Variants in CCDC7 observed in about 807,000 individuals in gnomAD.
The protein encoded by CCDC7 is coiled-coil domain containing 7, also known as coiled-coil domain-containing protein 7.
In CCDC7, 183 loss-of-function variants were observed where a neutral mutation model predicts 196.9. That is an observed-to-expected ratio of 0.93 (90% CI 0.82 to 1.05). The LOEUF (loss-of-function observed/expected upper bound fraction) is 1.05, where lower values mean the gene tolerates loss of function less well. Ranked by LOEUF, CCDC7 falls within the 50% of genes least tolerant of loss-of-function variation. CCDC7 has a pLI of 0.00. For missense variants in CCDC7, 1,540 were observed against 1,482.2 expected, an observed-to-expected ratio of 1.04 and a Z score of -0.64; for synonymous variants, 525 against 484.6, an observed-to-expected ratio of 1.08 and a Z score of -1.10.
At chr10:32,735,545 CA>C (rs1226748438) in intron 28 of CCDC7, among the ~76,000 whole-genome samples, 1 of 152,210 alleles carries the variant, frequency 6.6e-6, no homozygotes, top group East Asian at 1.9e-4. Context: ...CTCTGTTGCC[CA>C]TGTTGTAATA....
intron 29 of CCDC7, among the ~76,000 whole-genome samples, chr10:32,801,914 G>A (rs775431441): frequency 1.1e-4 from 17 of 152,188 alleles, no homozygotes; most frequent in Non-Finnish European, 2.2e-4. Context: ...GGAGCTCAGT[G>A]CCTCCAGCCT....
At chr10:32,849,982 G>T (rs189167470) in intron 39 of CCDC7, among the ~76,000 whole-genome samples, 2 of 152,200 alleles carry the variant, frequency 1.3e-5, no homozygotes, top group East Asian at 3.9e-4. Flanking sequence ...TAGTTTCTAA[G>T]TGGGGAGGAA....
At chr10:32,685,642 T>A (rs759096940) in intron 21 of CCDC7, among the ~76,000 whole-genome samples, 7 of 152,250 alleles carry the variant, frequency 4.6e-5, no homozygotes, top group Admixed American at 6.5e-5. Flanking sequence ...TTACAAATAA[T>A]GCCATAATGA....
intron 31 of CCDC7, among the ~76,000 whole-genome samples, chr10:32,821,480 A>G (rs2090180145): frequency 6.6e-6 from 1 of 152,224 alleles, no homozygotes; most frequent in Non-Finnish European, 1.5e-5. Flanking sequence ...CCAAAGGATT[A>G]TAAAACATGC....
intron 31 of CCDC7, among the ~76,000 whole-genome samples, chr10:32,817,875 G>C (rs1158825172): frequency 6.6e-6 from 1 of 152,118 alleles, no homozygotes; most frequent in Non-Finnish European, 1.5e-5. Flanking sequence ...ACCAGCCACG[G>C]CAAAAACATG....
intron 20 of CCDC7, among the ~76,000 whole-genome samples, chr10:32,654,308 T>C (rs1358738453): frequency 6.6e-6 from 1 of 152,214 alleles, no homozygotes; most frequent in East Asian, 1.9e-4. Flanking sequence ...TCCAACATCT[T>C]GGCATCTTCA....
chr10:32,808,166 C>T (rs942291164), intron 30 of CCDC7, among the ~76,000 whole-genome samples: 1 of 152,200 alleles, frequency 6.6e-6, no homozygotes, highest in African/African-American at 2.4e-5. Flanking sequence ...CCCCACCCTG[C>T]CTGCCAAAGC....
At chr10:32,670,955 G>T (rs1482628561) in intron 21 of CCDC7, among the ~76,000 whole-genome samples, 1 of 151,904 alleles carries the variant, frequency 6.6e-6, no homozygotes, top group Admixed American at 6.6e-5. Context: ...TCTATAAATG[G>T]TACAATTGTA....
intron 26 of CCDC7, 74 bp downstream of exon 27, chr10:32,726,906 C>G (rs1260755609): frequency 2.3e-6 from 2 of 882,240 alleles, no homozygotes; most frequent in East Asian, 5.6e-5. Flanking sequence ...GCCTTTGATT[C>G]CTGAATGTGT....
chr10:32,554,347 T>G (rs551222311), intron 13 of CCDC7, among the ~76,000 whole-genome samples: 1 of 152,348 alleles, frequency 6.6e-6, no homozygotes, highest in African/African-American at 2.4e-5. Context: ...TTTCTTGCCC[T>G]GTTCAAATTG....
exon 13 of CCDC7, chr10:32,544,276 T>A (rs779833545): frequency 6.2e-7 from 1 of 1,609,236 alleles, no homozygotes; most frequent in East Asian, 2.2e-5. Context: ...GAGTTTAAAA[T>A]AAAAGAAGAT....
intron 21 of CCDC7, among the ~76,000 whole-genome samples, chr10:32,684,955 TA>T (rs2076290225): frequency 4.9e-5 from 1 of 20,474 alleles, no homozygotes. Context: ...TGATTTAATT[TA>T]ATTTTTTTTT....
At chr10:32,738,136 A>C (rs931232239) in intron 28 of CCDC7, among the ~76,000 whole-genome samples, 2 of 152,068 alleles carry the variant, frequency 1.3e-5, no homozygotes, top group Non-Finnish European at 2.9e-5. Flanking sequence ...CTCTGGCTTT[A>C]ATTACATATT....
intron 15 of CCDC7, among the ~76,000 whole-genome samples, chr10:32,569,263 A>G (rs1284944682): frequency 6.6e-6 from 1 of 152,186 alleles, no homozygotes; most frequent in African/African-American, 2.4e-5. Flanking sequence ...AGATATCATT[A>G]TTGGAGATTT....
At chr10:32,541,668 A>G (rs1176869698) in intron 11 of CCDC7, among the ~76,000 whole-genome samples, 1 of 152,216 alleles carries the variant, frequency 6.6e-6, no homozygotes, top group African/African-American at 2.4e-5. Context: ...AGGCAGTGAC[A>G]TTGGTGCTGG....
At chr10:32,794,598 T>C (rs11009085) in intron 29 of CCDC7, among the ~76,000 whole-genome samples, 22,441 of 152,180 alleles carry the variant, frequency 0.15, 1,903 homozygotes, top group East Asian at 0.25. Flanking sequence ...TGTTGTTTTT[T>C]TGACTTCTTA....
chr10:32,648,483 C>T (rs1433367588), intron 20 of CCDC7, among the ~76,000 whole-genome samples: 1 of 151,992 alleles, frequency 6.6e-6, no homozygotes. Flanking sequence ...ATGCATGTAT[C>T]TTTATAATAG....
intron 3 of CCDC7, among the ~76,000 whole-genome samples, chr10:32,457,826 ATCTT>A (rs2034694270): frequency 2.6e-5 from 4 of 152,004 alleles, no homozygotes; most frequent in South Asian, 4.2e-4. Flanking sequence ...CCATTTGTGT[ATCTT>A]TCTTTTGAGA....
At chr10:32,551,127 G>C (rs1287825783) in intron 13 of CCDC7, among the ~76,000 whole-genome samples, 1 of 152,060 alleles carries the variant, frequency 6.6e-6, no homozygotes, top group Non-Finnish European at 1.5e-5. Flanking sequence ...TTTAAGCTAG[G>C]AGGGTTGTAT....
Sources: gnomAD v4.1 joint callset for allele counts (sites outside exome capture counted in the v4.1 genomes callset) on GRCh38, gnomAD v4.1.1 for gene constraint, MANE v1.5 for transcripts, NCBI Gene and HGNC (gene_info 2026-07-23, HGNC 2026-07-21) for gene names.